KIF16B: variants seen among roughly 807,000 people sequenced by gnomAD.
KIF16B encodes the protein kinesin family member 16B.
In KIF16B, 98 loss-of-function variants were observed where a neutral mutation model predicts 156.3. The ratio of observed to expected loss-of-function variants is 0.63; its 90% CI spans 0.53 to 0.74. KIF16B has a LOEUF of 0.74. KIF16B is among the 30% of genes least tolerant of loss of function. The pLI, the probability that KIF16B is intolerant of heterozygous loss-of-function variation, is 0.00. For missense variants in KIF16B, 1,421 were observed against 1,606.5 expected (o/e 0.88, Z 1.97); for synonymous variants, 564 against 583.7 (o/e 0.97, Z 0.49).
chr20:16,515,967 A>G (rs1303679487), intron 3 of KIF16B, among the ~76,000 whole-genome samples: 1 of 152,236 alleles, frequency 6.6e-6, no homozygotes, highest in Non-Finnish European at 1.5e-5. Flanking sequence ...AGCAAAGACT[A>G]TTTTAAAGCA....
At chr20:16,333,806 G>A (rs1427590686) in intron 24 of KIF16B, among the ~76,000 whole-genome samples, 1 of 152,160 alleles carries the variant, frequency 6.6e-6, no homozygotes, top group African/African-American at 2.4e-5. Context: ...CTCAGCTAAT[G>A]TATCAACTAG....
At chr20:16,440,835 C>G (rs1054672240) in intron 12 of KIF16B, among the ~76,000 whole-genome samples, 2 of 152,188 alleles carry the variant, frequency 1.3e-5, no homozygotes, top group African/African-American at 4.8e-5. Flanking sequence ...TGCCAAACAG[C>G]TAAGTGTTGG....
At chr20:16,358,683 T>C (rs963588705) in intron 22 of KIF16B, among the ~76,000 whole-genome samples, 1 of 152,220 alleles carries the variant, frequency 6.6e-6, no homozygotes, top group African/African-American at 2.4e-5. Context: ...ACAAGTGAAC[T>C]GGTAATCACA....
At chr20:16,441,435 C>G (rs2066797627) in intron 12 of KIF16B, among the ~76,000 whole-genome samples, 1 of 152,158 alleles carries the variant, frequency 6.6e-6, no homozygotes, top group Non-Finnish European at 1.5e-5. Flanking sequence ...TCTGCACTGA[C>G]CAGTTATCAG....
At chr20:16,437,822 A>C (rs1413267203) in intron 12 of KIF16B, among the ~76,000 whole-genome samples, 1 of 152,008 alleles carries the variant, frequency 6.6e-6, no homozygotes, top group Non-Finnish European at 1.5e-5. Flanking sequence ...CATGTTTTTA[A>C]TAATGTACAA....
chr20:16,407,752 G>C (rs1450900145), intron 15 of KIF16B, among the ~76,000 whole-genome samples: 1 of 152,130 alleles, frequency 6.6e-6, no homozygotes, highest in Non-Finnish European at 1.5e-5. Context: ...GTTTAGACCA[G>C]AGGTCACAAA....
At chr20:16,296,144 C>G (rs750709830) in intron 25 of KIF16B, among the ~76,000 whole-genome samples, 8 of 152,148 alleles carry the variant, frequency 5.3e-5, no homozygotes, top group Non-Finnish European at 1.2e-4. Flanking sequence ...TTTAATTAAG[C>G]AAAGTAAACA....
chr20:16,391,066 C>A (rs541682332), intron 17 of KIF16B, among the ~76,000 whole-genome samples: 1 of 151,966 alleles, frequency 6.6e-6, no homozygotes, highest in African/African-American at 2.4e-5. Context: ...CCTTGAAAAA[C>A]GGATAGAATT....
At chr20:16,504,668 T>C in intron 9 of KIF16B, 121 bp from the exon 10 acceptor site, 1 of 712,216 alleles carries the variant, frequency 1.4e-6, no homozygotes, top group Admixed American at 2.5e-5. Flanking sequence ...AAATATTCAT[T>C]GCCACAGTAA....
At chr20:16,560,380 C>A (rs1482263673) in intron 1 of KIF16B, among the ~76,000 whole-genome samples, 1 of 152,224 alleles carries the variant, frequency 6.6e-6, no homozygotes, top group Non-Finnish European at 1.5e-5. Flanking sequence ...GGCAGAATCC[C>A]TGTGATGGCT....
intron 12 of KIF16B, among the ~76,000 whole-genome samples, chr20:16,458,169 T>C (rs1368836499): frequency 6.6e-6 from 1 of 152,174 alleles, no homozygotes; most frequent in East Asian, 1.9e-4. Flanking sequence ...CTGCTGAAGA[T>C]GAATATCAAT....
chr20:16,413,734 G>A (rs1480245451), intron 15 of KIF16B, among the ~76,000 whole-genome samples: 2 of 75,480 alleles, frequency 2.6e-5, no homozygotes, highest in South Asian at 4.0e-4. Context: ...CATACCCCCC[G>A]CCCTCCACCA....
Position 16,506,037 on chromosome 20 carries a change from C to T in KIF16B, c.853G>A (p.Val285Ile), listed in dbSNP as rs371216686. 1.1e-5 allele frequency: 17 copies of T among 1,613,962 alleles called. No individual in the cohort carries two copies. The highest frequency in any genetic ancestry group is 2.7e-5 in the African/African-American group (2 of 74,906). Reference sequence around the variant, plus strand: ...GTAAGCATACCTAAGGCAGAAATGACGTTCCCCAGAGTCACGAGGGACTTG... The same window carrying T: ...GTAAGCATACCTAAGGCAGAAATGATGTTCCCCAGAGTCACGAGGGACTTG... Reference protein sequence around the residue: ...INKSLVTLGNVISALADLSQD... With the variant: ...INKSLVTLGNIISALADLSQD... Residue 285 changes from valine to isoleucine, a missense_variant, in exon 8 of 26, where the codon GTC becomes ATC. Transcript: ENST00000354981.
intron 1 of KIF16B, among the ~76,000 whole-genome samples, chr20:16,531,943 C>G (rs1345463584): frequency 6.6e-6 from 1 of 151,902 alleles, no homozygotes; most frequent in Non-Finnish European, 1.5e-5. Flanking sequence ...TGGCGGGCAC[C>G]TGTAATCCCA....
intron 1 of KIF16B, among the ~76,000 whole-genome samples, chr20:16,572,714 G>C (rs2071500190): frequency 1.3e-5 from 2 of 152,210 alleles, no homozygotes; most frequent in African/African-American, 4.8e-5. Context: ...TCAGGACTTT[G>C]TCAAAGTTTT....
intron 7 of KIF16B, among the ~76,000 whole-genome samples, chr20:16,506,670 A>G (rs1483239571): frequency 2.0e-5 from 3 of 152,214 alleles, no homozygotes; most frequent in African/African-American, 7.2e-5. Flanking sequence ...CTTAAATACT[A>G]TATTCCTCGC....
At chr20:16,440,090 C>A (rs2066751531) in intron 12 of KIF16B, among the ~76,000 whole-genome samples, 1 of 152,172 alleles carries the variant, frequency 6.6e-6, no homozygotes, top group African/African-American at 2.4e-5. Flanking sequence ...ATCAAAATTT[C>A]TCATACATTA....
intron 17 of KIF16B, among the ~76,000 whole-genome samples, chr20:16,383,613 A>G (rs148448781): frequency 6.6e-6 from 1 of 152,330 alleles, no homozygotes; most frequent in African/African-American, 2.4e-5. Flanking sequence ...AAATATGATC[A>G]TTTCTTTTTA....
chr20:16,300,439 A>C (rs935113019), intron 25 of KIF16B, among the ~76,000 whole-genome samples: 7 of 152,318 alleles, frequency 4.6e-5, no homozygotes, highest in Admixed American at 4.6e-4. Context: ...AATAGTGTCA[A>C]ATCTACCCAT....
Sources: allele counts gnomAD v4.1 joint callset (sites outside exome capture counted in the v4.1 genomes callset), GRCh38; gene constraint gnomAD v4.1.1; transcripts MANE v1.5; gene names NCBI Gene and HGNC (gene_info 2026-07-23, HGNC 2026-07-21).